Variants in PPP2R1B observed in about 807,000 individuals in gnomAD.
The protein encoded by PPP2R1B is protein phosphatase 2 scaffold subunit Abeta, also known as serine/threonine-protein phosphatase 2A 65 kDa regulatory subunit A beta isoform.
In PPP2R1B, 58 loss-of-function variants were observed where a neutral mutation model predicts 72.7. The observed-to-expected ratio is 0.80, with a 90% CI of 0.65 to 0.99. The LOEUF (loss-of-function observed/expected upper bound fraction) is 0.99, where lower values mean the gene tolerates loss of function less well. PPP2R1B is among the 50% of genes least tolerant of loss of function. The pLI is 0.00. For synonymous variants in PPP2R1B, 256 were observed against 264.6 expected (o/e 0.97, Z 0.32); for missense variants, 695 against 733.6 (o/e 0.95, Z 0.61).
At chr11:111,720,309 C>T in the PPP2R1B span, among the ~76,000 whole-genome samples, 51 of 152,122 alleles carry the variant, frequency 3.4e-4, no homozygotes, top group Non-Finnish European at 2.2e-4. Context: ...GTTTTCCCCA[C>T]TAAACTTGAA....
downstream of PPP2R1B, chr11:111,724,197 T>C (rs960851770): frequency 8.3e-5 from 126 of 1,524,786 alleles, no homozygotes; most frequent in Admixed American, 2.0e-4. Context: ...ATTCCAGCCT[T>C]TTAAATTTAA....
chr11:111,764,993 C>T (rs1378130480), intron 2 of PPP2R1B, 88 bp from the exon 3 acceptor site: 2 of 1,539,334 alleles, frequency 1.3e-6, no homozygotes, highest in African/African-American at 1.4e-5. Context: ...ATTCACTATG[C>T]GACCAGGAAG....
intron 13 of PPP2R1B, 104 bp from the exon 14 acceptor site, chr11:111,742,248 AT>A: frequency 2.1e-6 from 2 of 969,504 alleles, no homozygotes; most frequent in Non-Finnish European, 3.0e-6. Flanking sequence ...AAGTAAAAAA[AT>A]AAAGACATTT....
the PPP2R1B span, among the ~76,000 whole-genome samples, chr11:111,696,242 G>A: frequency 2.6e-5 from 4 of 152,208 alleles, no homozygotes; most frequent in African/African-American, 7.2e-5. Flanking sequence ...TCCCTGAACT[G>A]AAAAGGAACA....
intron 1 of PPP2R1B, chr11:111,765,979 A>C: frequency 2.2e-5 from 12 of 542,402 alleles, no homozygotes; most frequent in African/African-American, 3.8e-5. Flanking sequence ...CCAGGCGGGA[A>C]GCGGGTTCCC....
downstream of PPP2R1B, chr11:111,737,363 C>G: frequency 1.3e-6 from 2 of 1,594,636 alleles, no homozygotes; most frequent in Non-Finnish European, 8.6e-7. Context: ...TCCGCCTACC[C>G]TGTGGCAGCT....
At chr11:111,744,301 A>G (rs1156603716) in intron 11 of PPP2R1B, among the ~76,000 whole-genome samples, 1 of 152,240 alleles carries the variant, frequency 6.6e-6, no homozygotes, top group Admixed American at 6.5e-5. Flanking sequence ...CAACAAGGAA[A>G]TGGTGTAGAG....
At chr11:111,761,320 A>G (rs1395023150) in intron 3 of PPP2R1B, 1 of 557,238 alleles carries the variant, frequency 1.8e-6, no homozygotes, top group East Asian at 3.8e-5. Flanking sequence ...AAAAGACTTG[A>G]CACAATATTA....
At chr11:111,714,843 C>T in the PPP2R1B span, among the ~76,000 whole-genome samples, 1 of 152,192 alleles carries the variant, frequency 6.6e-6, no homozygotes, top group African/African-American at 2.4e-5. Flanking sequence ...TCTTTCTTCT[C>T]TGTCTGTGGT....
chr11:111,698,726 GAA>G, the PPP2R1B span, among the ~76,000 whole-genome samples: 1 of 152,130 alleles, frequency 6.6e-6, no homozygotes, highest in Non-Finnish European at 1.5e-5. Flanking sequence ...AGAAAAGAAA[GAA>G]AGAAAAACAA....
intron 5 of PPP2R1B, among the ~76,000 whole-genome samples, chr11:111,757,761 G>A (rs1315554143): frequency 6.6e-6 from 1 of 151,680 alleles, no homozygotes; most frequent in Non-Finnish European, 1.5e-5. Context: ...CTTGAACCCG[G>A]GAGGCAGGGG....
Position 111,765,043 on chromosome 11 carries a change from C to T in PPP2R1B, c.206-138G>A, listed in dbSNP as rs891748071. The T allele has an allele frequency of 3.2e-5, 45 of 1,401,798 alleles. No individual in the cohort carries two copies. In the South Asian group the frequency reaches 6.2e-4, roughly 19 times the overall value. The allele number at this position is 1,401,798 out of a possible 1,614,324, so 86.8% of individuals were successfully genotyped here. On this transcript the variant is annotated intron_variant, in intron 2 of 14. Transcript: ENST00000527614. The stretch of plus-strand genomic sequence containing the variant: ...ATCCTAACAGCATTTTCTTTCTTCT[C>T]AACCGTCTTCCTGTATCTGCTTTGC...
chr11:111,701,276 T>C, the PPP2R1B span, among the ~76,000 whole-genome samples: 21 of 152,338 alleles, frequency 1.4e-4, no homozygotes, highest in African/African-American at 4.8e-4. The surrounding 1 kb of genome is among the most constrained non-coding windows in gnomAD (Gnocchi z 4.2). Flanking sequence ...GTATTTATTA[T>C]AAGATACTTA....
At chr11:111,746,215 G>A (rs1944697853) in intron 11 of PPP2R1B, among the ~76,000 whole-genome samples, 1 of 152,188 alleles carries the variant, frequency 6.6e-6, no homozygotes. Flanking sequence ...AATGACTTGA[G>A]GCCAACCCAA....
the PPP2R1B span, among the ~76,000 whole-genome samples, chr11:111,714,846 T>C: frequency 7.5e-3 from 1,135 of 152,308 alleles, 8 homozygotes; most frequent in Middle Eastern, 0.061. Context: ...TTCTTCTCTG[T>C]CTGTGGTTGC....
At chr11:111,712,356 A>T in the PPP2R1B span, 2 of 1,614,148 alleles carry the variant, frequency 1.2e-6, no homozygotes, top group Admixed American at 1.7e-5. Flanking sequence ...ATGGAAGAAG[A>T]GTGTGTGGAC....
chr11:111,750,959 C>T (rs1315555816), intron 10 of PPP2R1B, among the ~76,000 whole-genome samples: 1 of 152,102 alleles, frequency 6.6e-6, no homozygotes, highest in Admixed American at 6.5e-5. Flanking sequence ...CTGCCTCAGC[C>T]TCCCGAGTAG....
Position 111,738,158 on chromosome 11 carries a change from A to C in PPP2R1B, c.*3438T>G, listed in dbSNP as rs1944395203. The stretch of plus-strand genomic sequence containing the variant: ...ACTGGAGAATCAAAGGGAAACAGTT[A>C]CATCACATCAGACTGCAGTCACCTC... On this transcript the variant is annotated 3_prime_UTR_variant, in exon 15 of 15. Transcript: ENST00000527614. 1 of 986,812 alleles carries C rather than the reference A, an allele frequency of 1.0e-6. No homozygotes were observed. Among genetic ancestry groups the C allele is most frequent in the Admixed American group, 6.0e-5 (1 of 16,560 alleles). 61.1% of individuals were successfully genotyped at this position (986,812 alleles called of 1,614,324 possible).
chr11:111,761,278 T>C (rs531128332), intron 3 of PPP2R1B: 27 of 656,620 alleles, frequency 4.1e-5, no homozygotes, highest in Admixed American at 2.9e-4. Flanking sequence ...CAGATGGCAA[T>C]TCCCAGATGG....
Sources: allele counts gnomAD v4.1 joint callset (sites outside exome capture counted in the v4.1 genomes callset), GRCh38; gene constraint gnomAD v4.1.1; non-coding constraint Gnocchi (gnomAD v3.1); transcripts MANE v1.5; gene names NCBI Gene and HGNC (gene_info 2026-07-23, HGNC 2026-07-21).